The following MAF variants were observed in gnomAD, a reference collection of about 807,000 sequenced individuals.
MAF encodes transcription factor Maf.
MAF carries 10 observed loss-of-function variants against 22.0 expected under a neutral mutation model. The observed-to-expected ratio is 0.45, with a 90% confidence interval of 0.28 to 0.77. MAF has a LOEUF of 0.77. Among genes scored for constraint, MAF ranks in the 30% least tolerant of loss-of-function variants. The pLI is 0.12. For synonymous variants in MAF, 337 were observed against 255.8 expected (o/e 1.32, Z -3.03); for missense variants, 544 against 548.4 (o/e 0.99, Z 0.08).
chr16:79,239,219 G>A, the MAF span, among the ~76,000 whole-genome samples: 2 of 152,052 alleles, frequency 1.3e-5, no homozygotes, highest in Non-Finnish European at 2.9e-5. Flanking sequence ...ATTCTGCCGA[G>A]CTGGAACATT....
the MAF span, among the ~76,000 whole-genome samples, chr16:79,309,179 A>G: frequency 6.6e-6 from 1 of 152,154 alleles, no homozygotes; most frequent in Admixed American, 6.5e-5. Flanking sequence ...GATACAGGAA[A>G]AACTGAGGCT....
the MAF span, among the ~76,000 whole-genome samples, chr16:79,393,998 TGAA>T: frequency 6.6e-6 from 1 of 152,184 alleles, no homozygotes; most frequent in African/African-American, 2.4e-5. Context: ...CCAAACACTC[TGAA>T]GAAGGTTTTG....
chr16:79,422,727 T>C, the MAF span, among the ~76,000 whole-genome samples: 116 of 152,280 alleles, frequency 7.6e-4, no homozygotes, highest in African/African-American at 2.7e-3. Flanking sequence ...TCAACAATAT[T>C]TATTGAAGAC....
chr16:79,598,453 T>G (rs981322596), intron 1 of MAF: 272 of 423,932 alleles, frequency 6.4e-4, no homozygotes, highest in African/African-American at 2.1e-3. Context: ...GGCGGGGGGG[T>G]GTAAAAAAAA....
the MAF span, among the ~76,000 whole-genome samples, chr16:79,292,526 A>G: frequency 6.6e-6 from 1 of 152,202 alleles, no homozygotes; most frequent in African/African-American, 2.4e-5. Flanking sequence ...TGGCAGTCCT[A>G]GGAAACTCAC....
the MAF span, among the ~76,000 whole-genome samples, chr16:79,509,256 A>G: frequency 6.6e-6 from 1 of 152,164 alleles, no homozygotes; most frequent in African/African-American, 2.4e-5. Flanking sequence ...GAAAAGGAGA[A>G]GTGGAGACGT....
At chr16:79,329,172 G>T in the MAF span, among the ~76,000 whole-genome samples, 2 of 151,974 alleles carry the variant, frequency 1.3e-5, no homozygotes, top group Non-Finnish European at 2.9e-5. Flanking sequence ...GGGCACATTA[G>T]GTTAAAGGAA....
the MAF span, among the ~76,000 whole-genome samples, chr16:79,526,104 C>G: frequency 6.6e-6 from 1 of 152,170 alleles, no homozygotes; most frequent in Non-Finnish European, 1.5e-5. Flanking sequence ...CTTCCTGCCT[C>G]TTGTTTCAAA....
chr16:79,373,359 CTTTTTTTTTTTTTTTTTTTTTTTTTTT>C, the MAF span, among the ~76,000 whole-genome samples: 4 of 33,300 alleles, frequency 1.2e-4, no homozygotes, highest in Non-Finnish European at 1.9e-4. Context: ...GGACTGGTAG[CTTTTTTTTTTTTTTTTTTTTTTTTTTT>C]TTTTTTTTTT....
chr16:79,283,888 C>T, the MAF span, among the ~76,000 whole-genome samples: 177 of 146,030 alleles, frequency 1.2e-3, no homozygotes, highest in African/African-American at 4.3e-3. Context: ...GTCTCCTGCA[C>T]GGGGTAGCTG....
chr16:79,203,022 G>C, the MAF span: 2 of 152,166 alleles, frequency 1.3e-5, no homozygotes, highest in African/African-American at 4.8e-5. Flanking sequence ...GGCATCAAGT[G>C]CTTTAAAATG....
chr16:79,519,965 G>A, the MAF span, among the ~76,000 whole-genome samples: 1 of 152,210 alleles, frequency 6.6e-6, no homozygotes, highest in South Asian at 2.1e-4. Context: ...CCTCTGGAAG[G>A]GAACTCTGTC....
At chr16:79,597,782 A>T in intron 1 of MAF, 1 of 1,020,240 alleles carries the variant, frequency 9.8e-7, no homozygotes, top group Non-Finnish European at 1.2e-6. Context: ...ATTATACCAT[A>T]CATGTCCAGC....
At chr16:79,425,389 G>T in the MAF span, among the ~76,000 whole-genome samples, 2 of 152,016 alleles carry the variant, frequency 1.3e-5, no homozygotes, top group African/African-American at 4.8e-5. Context: ...TACATTGTTT[G>T]CATGAAAACA....
chr16:79,473,500 A>C, the MAF span, among the ~76,000 whole-genome samples: 1 of 152,106 alleles, frequency 6.6e-6, no homozygotes, highest in Admixed American at 6.5e-5. Context: ...GAAAACCATA[A>C]AAAATGCACA....
chr16:79,567,179 A>G, the MAF span, among the ~76,000 whole-genome samples: 2 of 152,170 alleles, frequency 1.3e-5, no homozygotes, highest in African/African-American at 2.4e-5. Context: ...TTAGACAGGC[A>G]TTGTGGCAGG....
At chr16:79,279,504 C>T in the MAF span, among the ~76,000 whole-genome samples, 2 of 152,234 alleles carry the variant, frequency 1.3e-5, no homozygotes, top group African/African-American at 2.4e-5. Flanking sequence ...GAGGCTGAAG[C>T]GGGGAGCACA....
the MAF span, among the ~76,000 whole-genome samples, chr16:79,565,367 A>G: frequency 6.6e-6 from 1 of 152,194 alleles, no homozygotes; most frequent in Non-Finnish European, 1.5e-5. Flanking sequence ...CTACCTGGCC[A>G]TTTACAGAAA....
the MAF span, among the ~76,000 whole-genome samples, chr16:79,287,218 T>C: frequency 1.3e-5 from 2 of 152,030 alleles, no homozygotes; most frequent in Non-Finnish European, 2.9e-5. Flanking sequence ...GCAGTTTCAA[T>C]TGGATATGGT....
Sources: gnomAD v4.1 joint callset for allele counts (sites outside exome capture counted in the v4.1 genomes callset) on GRCh38, gnomAD v4.1.1 for gene constraint, MANE v1.5 for transcripts, NCBI Gene and HGNC (gene_info 2026-07-23, HGNC 2026-07-21) for gene names.